ARHGAP26: variants seen among roughly 807,000 people sequenced by gnomAD.
ARHGAP26 encodes rho GTPase-activating protein 26.
In ARHGAP26, 38 loss-of-function variants were observed where a neutral mutation model predicts 104.8. The ratio of observed to expected loss-of-function variants is 0.36; its 90% CI spans 0.28 to 0.48. The LOEUF (loss-of-function observed/expected upper bound fraction) is 0.48, where lower values mean the gene tolerates loss of function less well. ARHGAP26 is among the 20% of genes least tolerant of loss of function. The pLI, the probability that ARHGAP26 is intolerant of heterozygous loss-of-function variation, is 0.99. For synonymous variants in ARHGAP26, 341 were observed against 340.0 expected (o/e 1.00, Z -0.03); for missense variants, 704 against 947.9 (o/e 0.74, Z 3.38).
chr5:143,014,254 G>C, intron 12 of ARHGAP26, 138 bp downstream of exon 12: 1 of 892,286 alleles, frequency 1.1e-6, no homozygotes, highest in Non-Finnish European at 1.8e-6. Flanking sequence ...AGTGGGACAT[G>C]CCTCCACCCC....
chr5:143,130,919 C>T (rs1256855837), intron 18 of ARHGAP26, among the ~76,000 whole-genome samples: 2 of 152,220 alleles, frequency 1.3e-5, no homozygotes, highest in Non-Finnish European at 2.9e-5. Flanking sequence ...ACATGTCTGG[C>T]ACTGGACATT....
chr5:143,009,629 A>C (rs1238050414), intron 11 of ARHGAP26, among the ~76,000 whole-genome samples: 1 of 152,236 alleles, frequency 6.6e-6, no homozygotes, highest in African/African-American at 2.4e-5. Context: ...AATGATTCTT[A>C]GATGGACCGT....
At chr5:143,105,718 C>T (rs1457344329) in intron 17 of ARHGAP26, among the ~76,000 whole-genome samples, 1 of 152,176 alleles carries the variant, frequency 6.6e-6, no homozygotes, top group East Asian at 1.9e-4. Flanking sequence ...GCCACGTGTG[C>T]ATTCTGCTGA....
chr5:142,871,832 GA>G lies in ARHGAP26; in HGVS notation c.155-1565del, dbSNP rs761025858. On this transcript the variant is annotated intron_variant, in intron 1 of 22. Coordinates refer to ENST00000645722, the MANE Select transcript of ARHGAP26 (RefSeq NM_001135608.3). This position sits in a 1 kb window ranked among gnomAD's most constrained non-coding sequence, Gnocchi z 4.1. The stretch of plus-strand genomic sequence containing the variant: ...GACATTTTGGTAAGGACCATTCTGT[GA>G]AAGTGACTGAACGAGGGAGAGATCG... Among the ~76,000 whole-genome samples, 33 of 152,216 alleles carry G rather than the reference GA, an allele frequency of 2.2e-4. No individual in the cohort carries two copies. Among genetic ancestry groups the G allele is most frequent in the Non-Finnish European group, 4.4e-4 (30 of 68,038 alleles).
chr5:143,116,002 G>A (rs2398616), intron 17 of ARHGAP26, among the ~76,000 whole-genome samples: 116,688 of 152,248 alleles, frequency 0.77, 48,050 homozygotes, highest in Non-Finnish European at 0.92. Flanking sequence ...AAATAGAATC[G>A]ACAGGATAAG....
intron 20 of ARHGAP26, among the ~76,000 whole-genome samples, chr5:143,186,638 C>T (rs188094156): frequency 1.3e-5 from 2 of 152,306 alleles, no homozygotes; most frequent in East Asian, 3.9e-4. Flanking sequence ...AGGATTGACA[C>T]CTCCATGTGA....
intron 6 of ARHGAP26, among the ~76,000 whole-genome samples, chr5:142,901,625 A>G (rs1240393385): frequency 6.6e-6 from 1 of 152,218 alleles, no homozygotes; most frequent in Non-Finnish European, 1.5e-5. Flanking sequence ...GTTGATGCCA[A>G]GGAGACCTGG....
At chr5:142,908,485 T>C (rs1761413766) in intron 9 of ARHGAP26, among the ~76,000 whole-genome samples, 1 of 152,224 alleles carries the variant, frequency 6.6e-6, no homozygotes, top group South Asian at 2.1e-4. Flanking sequence ...GGTCTCTCTG[T>C]ATTAGCAAGT....
chr5:142,913,081 A>G (rs1047986629), intron 9 of ARHGAP26, 118 bp from the exon 10 acceptor site: 7 of 887,652 alleles, frequency 7.9e-6, no homozygotes, highest in South Asian at 1.5e-5. Flanking sequence ...GCCCATGGTC[A>G]TGAGCACTCA....
Position 142,937,486 on chromosome 5 carries a change from G to T in ARHGAP26, c.1107+5361G>T, listed in dbSNP as rs1042652335. On this transcript the variant is annotated intron_variant, in intron 11 of 22. Coordinates refer to ENST00000645722, the MANE Select transcript of ARHGAP26 (RefSeq NM_001135608.3). ...AACAGCCATGCTGGCAAGTCACTTG[G>T]CAGTTTCTAAAACTAAATATTGCTG... 6.7e-4 allele frequency among the ~76,000 whole-genome samples: 102 copies of T among 152,332 alleles called. 1 individual carries two copies. Among genetic ancestry groups the T allele is most frequent in the African/African-American group, 2.3e-3 (95 of 41,570 alleles).
At chr5:143,030,886 C>A (rs544147284) in intron 12 of ARHGAP26, among the ~76,000 whole-genome samples, 34 of 152,318 alleles carry the variant, frequency 2.2e-4, no homozygotes, top group African/African-American at 7.9e-4. Flanking sequence ...AATAAGTATT[C>A]TAGTTTGGTA....
At chr5:142,918,308 G>T (rs994158274) in intron 10 of ARHGAP26, among the ~76,000 whole-genome samples, 1 of 151,996 alleles carries the variant, frequency 6.6e-6, no homozygotes, top group Non-Finnish European at 1.5e-5. Context: ...CACCCCGTCT[G>T]GCTAATTTTT....
chr5:143,220,814 A>T (rs556752036), intron 22 of ARHGAP26, among the ~76,000 whole-genome samples: 1 of 152,284 alleles, frequency 6.6e-6, no homozygotes, highest in African/African-American at 2.4e-5. Flanking sequence ...GTTGACTGAC[A>T]CTGATCTTCT....
intron 17 of ARHGAP26, among the ~76,000 whole-genome samples, chr5:143,063,346 G>A (rs1787020583): frequency 6.6e-6 from 1 of 152,126 alleles, no homozygotes; most frequent in Non-Finnish European, 1.5e-5. Flanking sequence ...CTGGCTGGTG[G>A]AGCTCTGGCT....
intron 1 of ARHGAP26, among the ~76,000 whole-genome samples, chr5:142,789,989 A>T (rs973085868): frequency 4.6e-5 from 7 of 152,236 alleles, no homozygotes; most frequent in Admixed American, 3.3e-4. Context: ...TTTTTTGAAT[A>T]CAAATCAAGA....
chr5:142,817,244 T>G (rs1486054561), intron 1 of ARHGAP26, among the ~76,000 whole-genome samples: 1 of 152,112 alleles, frequency 6.6e-6, no homozygotes, highest in Non-Finnish European at 1.5e-5. Context: ...GTGCTGGCAC[T>G]GTATTCAGGT....
In ARHGAP26 at chr5:143,224,128, A is replaced by G. The variant is rs1398588471; in HGVS notation, c.*1682A>G. ...TTTACTTTTTTTTTTTTGAAAAGAT[A>G]AACTTGTAAATAGAGTGATTTGAAA... On this transcript the variant is annotated 3_prime_UTR_variant, in exon 23 of 23. Coordinates refer to ENST00000645722, the MANE Select transcript of ARHGAP26 (RefSeq NM_001135608.3). The G allele has an allele frequency of 4.4e-6, 1 of 229,184 alleles. No individual in the cohort carries two copies. The highest frequency in any genetic ancestry group is 8.7e-6 in the Non-Finnish European group (1 of 115,466). The allele number at this position is 229,184 out of a possible 1,614,324, so 14.2% of individuals were successfully genotyped here.
rs1348792082 is a variant in ARHGAP26, at chr5:142,993,193, C to T, written c.1108-20887C>T. Reference sequence around the variant, plus strand: ...TTTTTTTTTTTTTGAGACGGAGTCTCGCTCTGTCGCCCAGGCCGGACTGCG... The same window carrying T: ...TTTTTTTTTTTTTGAGACGGAGTCTTGCTCTGTCGCCCAGGCCGGACTGCG... On this transcript the variant is annotated intron_variant, in intron 11 of 22. Transcript: ENST00000645722. 7.6e-3 allele frequency among the ~76,000 whole-genome samples: 1,044 copies of T among 137,428 alleles called. 22 individuals carry two copies. The highest frequency in any genetic ancestry group is 0.026 in the African/African-American group (930 of 36,136). The allele number at this position is 137,428 out of a possible 152,430, so 90.2% of individuals were successfully genotyped here. A position where few individuals can be genotyped will look rare whatever the true frequency, so the allele number is the denominator to read the frequency against.
chr5:143,097,119 T>G (rs1446997332), intron 17 of ARHGAP26, among the ~76,000 whole-genome samples: 3 of 151,870 alleles, frequency 2.0e-5, no homozygotes, highest in Non-Finnish European at 4.4e-5. Flanking sequence ...CGGGAGGATC[T>G]TTTAAGGTCA....
Sources: gnomAD v4.1 joint callset for allele counts (sites outside exome capture counted in the v4.1 genomes callset) on GRCh38, gnomAD v4.1.1 for gene constraint, Gnocchi (gnomAD v3.1) non-coding constraint, MANE v1.5 for transcripts, NCBI Gene and HGNC (gene_info 2026-07-23, HGNC 2026-07-21) for gene names.